ADGRB3: variants seen among roughly 807,000 people sequenced by gnomAD.
ADGRB3 encodes the protein brain-specific angiogenesis inhibitor 3.
In ADGRB3, 37 loss-of-function variants were observed where a neutral mutation model predicts 193.4. That is an observed-to-expected ratio of 0.19 (90% CI 0.15 to 0.25). The LOEUF is 0.25. ADGRB3 is among the 10% of genes least tolerant of loss of function. The pLI is 1.00. For synonymous variants in ADGRB3, 690 were observed against 644.2 expected (o/e 1.07, Z -1.08); for missense variants, 1,637 against 1,852.9 (o/e 0.88, Z 2.14).
At chr6:69,261,556 T>G (rs1323068841) in intron 20 of ADGRB3, among the ~76,000 whole-genome samples, 4 of 152,098 alleles carry the variant, frequency 2.6e-5, no homozygotes, top group African/African-American at 9.7e-5. Context: ...GATATGACAT[T>G]TTTTATACTT....
intron 3 of ADGRB3, among the ~76,000 whole-genome samples, chr6:68,646,156 C>T (rs141341120): frequency 2.6e-5 from 4 of 152,026 alleles, no homozygotes; most frequent in South Asian, 2.1e-4. Flanking sequence ...GACCTGTGTC[C>T]AGGATGGAAA....
intron 3 of ADGRB3, among the ~76,000 whole-genome samples, chr6:68,830,005 CTTTG>C (rs1189617875): frequency 1.3e-5 from 2 of 152,040 alleles, no homozygotes; most frequent in African/African-American, 4.8e-5. Context: ...TAGAAATATA[CTTTG>C]TTTAAGGGAG....
At chr6:68,881,361 A>G (rs1379709516) in intron 3 of ADGRB3, among the ~76,000 whole-genome samples, 4 of 152,092 alleles carry the variant, frequency 2.6e-5, no homozygotes, top group African/African-American at 9.7e-5. Context: ...CACCTTCAAT[A>G]TATGCCTTTT....
intron 17 of ADGRB3, among the ~76,000 whole-genome samples, chr6:69,194,616 A>C (rs992408408): frequency 6.6e-6 from 1 of 152,098 alleles, no homozygotes; most frequent in South Asian, 2.1e-4. Context: ...GAGTCATGTG[A>C]TGGTTATCAA....
chr6:68,776,309 C>T (rs1473675435), intron 3 of ADGRB3, among the ~76,000 whole-genome samples: 1 of 152,082 alleles, frequency 6.6e-6, no homozygotes, highest in African/African-American at 2.4e-5. Context: ...AAATTTAATT[C>T]AGACATAGAC....
chr6:69,056,862 T>C (rs1582427731), intron 15 of ADGRB3, among the ~76,000 whole-genome samples: 2 of 152,184 alleles, frequency 1.3e-5, no homozygotes, highest in African/African-American at 4.8e-5. Context: ...CTTTGTAATA[T>C]AGCTTGAAAA....
rs533296719 is a variant in ADGRB3, at chr6:68,666,956, T to A, written c.757+27524T>A. Among the ~76,000 whole-genome samples the A allele has an allele frequency of 3.0e-4, 45 of 151,896 alleles. 1 individual carries two copies. In the South Asian group the frequency reaches 8.5e-3, roughly 29 times the overall value. ...GGTTATTTTTAGTTCTCTACAAATATGAAGTTGACCCACTATTCTTAGTAT... is the reference window on the plus strand; with the variant it reads ...GGTTATTTTTAGTTCTCTACAAATAAGAAGTTGACCCACTATTCTTAGTAT... On this transcript the variant is annotated intron_variant, in intron 3 of 31. Transcript: ENST00000370598.
At chr6:68,790,675 CAG>C (rs1456015149) in intron 3 of ADGRB3, among the ~76,000 whole-genome samples, 2 of 152,198 alleles carry the variant, frequency 1.3e-5, no homozygotes, top group Non-Finnish European at 1.5e-5. Flanking sequence ...CCCAGGTAAA[CAG>C]GGTCTGGAGT....
At chr6:68,786,998 T>A (rs1484606923) in intron 3 of ADGRB3, among the ~76,000 whole-genome samples, 3 of 152,212 alleles carry the variant, frequency 2.0e-5, no homozygotes, top group Non-Finnish European at 2.9e-5. Flanking sequence ...TTTTGCACAT[T>A]GATTTTGTAT....
intron 17 of ADGRB3, among the ~76,000 whole-genome samples, chr6:69,212,591 T>G (rs62406839): frequency 0.048 from 7,349 of 152,224 alleles, 238 homozygotes; most frequent in Non-Finnish European, 0.071. Context: ...CCTCCAGACA[T>G]TCATCAAATT....
At chr6:68,646,621 T>C (rs1768222459) in intron 3 of ADGRB3, among the ~76,000 whole-genome samples, 2 of 152,248 alleles carry the variant, frequency 1.3e-5, no homozygotes, top group Non-Finnish European at 2.9e-5. Context: ...GTTTGTTTTT[T>C]ACCTTTCATA....
At chr6:68,961,563 T>G (rs978808646) in intron 8 of ADGRB3, among the ~76,000 whole-genome samples, 5 of 152,194 alleles carry the variant, frequency 3.3e-5, no homozygotes, top group African/African-American at 9.6e-5. Flanking sequence ...TAATCACTAC[T>G]GATACAAATA....
chr6:69,029,844 A>C (rs1263183785), intron 13 of ADGRB3, among the ~76,000 whole-genome samples: 1 of 152,082 alleles, frequency 6.6e-6, no homozygotes, highest in African/African-American at 2.4e-5. Context: ...AACACATAGA[A>C]CTTAAACAAA....
At chr6:69,073,980 C>T (rs774360122) in intron 16 of ADGRB3, among the ~76,000 whole-genome samples, 13 of 152,052 alleles carry the variant, frequency 8.5e-5, no homozygotes, top group Non-Finnish European at 1.8e-4. Context: ...ACATGACAAT[C>T]GTGATTTAAT....
intron 17 of ADGRB3, among the ~76,000 whole-genome samples, chr6:69,116,477 A>G (rs553197639): frequency 6.6e-6 from 1 of 152,180 alleles, no homozygotes; most frequent in Admixed American, 6.5e-5. Flanking sequence ...TTGGACATGA[A>G]AGTTATTTTT....
At chr6:68,704,952 A>G (rs943165725) in intron 3 of ADGRB3, among the ~76,000 whole-genome samples, 3 of 152,206 alleles carry the variant, frequency 2.0e-5, no homozygotes, top group African/African-American at 7.2e-5. Context: ...AAATATTTAG[A>G]GAAATACTGG....
intron 3 of ADGRB3, among the ~76,000 whole-genome samples, chr6:68,723,756 G>T (rs570230327): frequency 3.0e-4 from 45 of 151,706 alleles, no homozygotes; most frequent in Middle Eastern, 3.4e-3. Flanking sequence ...GCCTCACATT[G>T]TACTATGTGG....
chr6:68,655,784 C>G (rs935513112), intron 3 of ADGRB3, among the ~76,000 whole-genome samples: 2 of 151,442 alleles, frequency 1.3e-5, no homozygotes, highest in African/African-American at 4.8e-5. Context: ...GGTGATTGCC[C>G]CAAATGATGG....
intron 3 of ADGRB3, among the ~76,000 whole-genome samples, chr6:68,896,050 A>T (rs1291362547): frequency 6.6e-6 from 1 of 152,118 alleles, no homozygotes; most frequent in Non-Finnish European, 1.5e-5. Context: ...TGAAGTTAGC[A>T]ATCACTTTTT....
Sources: allele counts gnomAD v4.1 joint callset (sites outside exome capture counted in the v4.1 genomes callset), GRCh38; gene constraint gnomAD v4.1.1; transcripts MANE v1.5; gene names NCBI Gene and HGNC (gene_info 2026-07-23, HGNC 2026-07-21).